GRIP1: variants seen among roughly 807,000 people sequenced by gnomAD.
GRIP1 encodes the protein glutamate receptor-interacting protein 1.
GRIP1 carries 45 observed loss-of-function variants against 129.9 expected under a neutral mutation model. The ratio of observed to expected loss-of-function variants is 0.35; its 90% CI spans 0.27 to 0.44. GRIP1 has a LOEUF of 0.44. Ranked by LOEUF, GRIP1 falls within the 20% of genes least tolerant of loss-of-function variation. The probability of loss-of-function intolerance (pLI) is 1.00; values close to 1 mark genes in which losing one functional copy is unlikely to be tolerated. For synonymous variants in GRIP1, 530 were observed against 520.8 expected (o/e 1.02, Z -0.24); for missense variants, 1,196 against 1,396.8 (o/e 0.86, Z 2.29).
intron 1 of GRIP1, among the ~76,000 whole-genome samples, chr12:66,969,008 A>G (rs1604841): frequency 0.7 from 106,099 of 151,978 alleles, 37,949 homozygotes; most frequent in African/African-American, 0.86. Context: ...TTCAAAGTTG[A>G]TGAGGGTTTA....
chr12:66,521,445 T>C (rs953612905), intron 5 of GRIP1, among the ~76,000 whole-genome samples: 1 of 152,252 alleles, frequency 6.6e-6, no homozygotes, highest in Non-Finnish European at 1.5e-5. Context: ...GATAGAATTT[T>C]TACTCTGGTG....
chr12:66,728,043 A>T (rs538212520), intron 1 of GRIP1, among the ~76,000 whole-genome samples: 2 of 152,102 alleles, frequency 1.3e-5, no homozygotes, highest in South Asian at 2.1e-4. Context: ...AGAATTTTAT[A>T]AAAAAGACCA....
At chr12:66,681,475 G>A (rs997396333), upstream of GRIP1, among the ~76,000 whole-genome samples, 9 of 152,112 alleles carry the variant, frequency 5.9e-5, no homozygotes, top group South Asian at 2.1e-4. Flanking sequence ...CAAGGCAACC[G>A]GTGGAATGTG....
chr12:66,952,761 C>A (rs907578222), intron 1 of GRIP1, among the ~76,000 whole-genome samples: 2 of 152,176 alleles, frequency 1.3e-5, no homozygotes, highest in Admixed American at 1.3e-4. Flanking sequence ...GATTTGACTT[C>A]TCATTAAAAA....
intron 7 of GRIP1, among the ~76,000 whole-genome samples, chr12:66,490,369 G>A (rs1157022139): frequency 6.6e-6 from 1 of 152,120 alleles, no homozygotes; most frequent in Non-Finnish European, 1.5e-5. Context: ...ACAAAAACAA[G>A]CAATGGGGAA....
intron 2 of GRIP1, among the ~76,000 whole-genome samples, chr12:66,592,443 C>T (rs1394732146): frequency 6.6e-6 from 1 of 152,184 alleles, no homozygotes; most frequent in Non-Finnish European, 1.5e-5. Flanking sequence ...AAAGAAATCC[C>T]ACACAAACAT....
At position 66,456,218 on chromosome 12, in the gene GRIP1, T is replaced by C. The variant is rs777033106; in HGVS notation, c.1167A>G (p.Thr389=). Reference sequence around the variant, plus strand: ...TGTTTGGAGGAGGTGCTTTCGGGAATGTCAGGGCTGGTACTCTGCAATGGT... The same window carrying C: ...TGTTTGGAGGAGGTGCTTTCGGGAACGTCAGGGCTGGTACTCTGCAATGGT... ...HPDHCRVPAL[T]FPKAPPPNSP... The change falls in exon 10 of 25, where the codon ACA becomes ACG. Residue 389 remains threonine (T), a synonymous_variant. Transcript: ENST00000359742. The C allele has an allele frequency of 5.4e-6, 7 of 1,289,652 alleles. No individual in the cohort carries two copies. Among genetic ancestry groups the C allele is most frequent in the South Asian group, 1.2e-5 (1 of 80,996 alleles). The allele number at this position is 1,289,652 out of a possible 1,614,324, so 79.9% of individuals were successfully genotyped here.
At chr12:66,633,758 C>A (rs1324304394) in intron 1 of GRIP1, among the ~76,000 whole-genome samples, 3 of 152,092 alleles carry the variant, frequency 2.0e-5, no homozygotes, top group Non-Finnish European at 4.4e-5. Flanking sequence ...GTGCTCTTAC[C>A]CCCTCTGCTA....
chr12:66,487,402 T>C (rs1201844354), intron 7 of GRIP1, among the ~76,000 whole-genome samples: 2 of 152,012 alleles, frequency 1.3e-5, no homozygotes, highest in African/African-American at 4.8e-5. Flanking sequence ...AAAGGAGAAA[T>C]AAGGTCTTTT....
chr12:66,469,590 C>T (rs2059380707), intron 7 of GRIP1, among the ~76,000 whole-genome samples: 1 of 152,060 alleles, frequency 6.6e-6, no homozygotes, highest in Non-Finnish European at 1.5e-5. Flanking sequence ...GGCACAACTA[C>T]AACTTTCTAG....
rs561132526 is a variant in GRIP1, at chr12:66,446,533, C to T, written c.1355-1025G>A. On this transcript the variant is annotated intron_variant, in intron 11 of 24. Transcript: ENST00000359742. ...CATAATACTCCTTGCTCTCCACATA[C>T]GGTACATTGATTCAACTACTCCTAT... 3.3e-5 allele frequency among the ~76,000 whole-genome samples: 5 copies of T among 152,306 alleles called. No individual in the cohort carries two copies. In the South Asian group the frequency reaches 6.2e-4, roughly 19 times the overall value.
intron 1 of GRIP1, among the ~76,000 whole-genome samples, chr12:67,063,552 G>C (rs1393679271): frequency 6.6e-6 from 1 of 152,066 alleles, no homozygotes; most frequent in Non-Finnish European, 1.5e-5. Flanking sequence ...TTCAAACCCA[G>C]CATTTGGCTT....
chr12:66,798,600 A>T (rs181985100), intron 1 of GRIP1, among the ~76,000 whole-genome samples: 8 of 152,300 alleles, frequency 5.3e-5, no homozygotes, highest in Non-Finnish European at 8.8e-5. Context: ...TTCAGATAGC[A>T]TGCCGTACTA....
At chr12:66,674,320 A>G (rs2034223763) in intron 1 of GRIP1, among the ~76,000 whole-genome samples, 1 of 152,222 alleles carries the variant, frequency 6.6e-6, no homozygotes, top group Non-Finnish European at 1.5e-5. Context: ...GGCCACCAGC[A>G]AAGGAGCCAT....
At chr12:66,652,536 T>C (rs2032875381) in intron 1 of GRIP1, among the ~76,000 whole-genome samples, 1 of 152,170 alleles carries the variant, frequency 6.6e-6, no homozygotes, top group Non-Finnish European at 1.5e-5. Flanking sequence ...ACGTAGGAGA[T>C]AGTGCTTTGC....
chr12:66,792,425 A>G (rs1162136250), intron 1 of GRIP1, among the ~76,000 whole-genome samples: 2 of 152,046 alleles, frequency 1.3e-5, no homozygotes, highest in Non-Finnish European at 2.9e-5. Flanking sequence ...AATTTTTTGT[A>G]GGAGCTGGGC....
chr12:66,745,044 A>G (rs1203584547), intron 1 of GRIP1, among the ~76,000 whole-genome samples: 1 of 152,184 alleles, frequency 6.6e-6, no homozygotes, highest in African/African-American at 2.4e-5. Flanking sequence ...ACGTCACCTG[A>G]TGGCCATAAC....
At chr12:66,890,980 G>A (rs903412660) in intron 1 of GRIP1, among the ~76,000 whole-genome samples, 2 of 152,024 alleles carry the variant, frequency 1.3e-5, no homozygotes, top group Non-Finnish European at 2.9e-5. Context: ...AGGGAAATGG[G>A]GAAAGTAGTA....
intron 2 of GRIP1, among the ~76,000 whole-genome samples, chr12:66,592,560 G>T (rs778867938): frequency 6.6e-6 from 1 of 152,144 alleles, no homozygotes. Context: ...TTTGTCAATT[G>T]TCCAGAATTC....
Sources: gnomAD v4.1 joint callset for allele counts (sites outside exome capture counted in the v4.1 genomes callset) on GRCh38, gnomAD v4.1.1 for gene constraint, MANE v1.5 for transcripts, NCBI Gene and HGNC (gene_info 2026-07-23, HGNC 2026-07-21) for gene names.